Variants in NCKAP5 observed in about 807,000 individuals in gnomAD.
NCKAP5 encodes NCK associated protein 5.
In NCKAP5, 92 loss-of-function variants were observed where a neutral mutation model predicts 167.0. The ratio of observed to expected loss-of-function variants is 0.55; its 90% CI spans 0.47 to 0.66. The LOEUF (loss-of-function observed/expected upper bound fraction) is 0.66. NCKAP5 is among the 30% of genes least tolerant of loss of function. The probability of loss-of-function intolerance (pLI) is 0.00; values close to 1 mark genes in which losing one functional copy is unlikely to be tolerated. For synonymous variants in NCKAP5, 891 were observed against 877.4 expected (o/e 1.02, Z -0.27); for missense variants, 2,378 against 2,315.0 (o/e 1.03, Z -0.56).
the NCKAP5 span, among the ~76,000 whole-genome samples, chr2:133,577,403 G>C: frequency 6.6e-6 from 1 of 152,108 alleles, no homozygotes; most frequent in Non-Finnish European, 1.5e-5. Flanking sequence ...TAATGTTTGG[G>C]AGCATTATCA....
the NCKAP5 span, among the ~76,000 whole-genome samples, chr2:133,598,076 A>G: frequency 1.5e-4 from 23 of 152,234 alleles, no homozygotes; most frequent in Admixed American, 6.5e-5. Context: ...TGTCTGCTCT[A>G]TCACTTACAT....
intron 4 of NCKAP5, among the ~76,000 whole-genome samples, chr2:133,251,014 A>G (rs1277619435): frequency 2.0e-5 from 3 of 152,130 alleles, no homozygotes; most frequent in Admixed American, 2.0e-4. Flanking sequence ...ATGCCCCTCC[A>G]TATCTCAAAG....
chr2:133,106,026 C>CCTT (rs2149697479), intron 6 of NCKAP5, among the ~76,000 whole-genome samples: 1 of 152,126 alleles, frequency 6.6e-6, no homozygotes, highest in South Asian at 2.1e-4. Flanking sequence ...GCTCTCTTCT[C>CCTT]CTTTTATTAA....
At chr2:133,382,391 A>G (rs1264684994) in intron 3 of NCKAP5, among the ~76,000 whole-genome samples, 2 of 152,176 alleles carry the variant, frequency 1.3e-5, no homozygotes, top group Non-Finnish European at 2.9e-5. Flanking sequence ...GCAAATCAGA[A>G]TGGTATGCCA....
the NCKAP5 span, among the ~76,000 whole-genome samples, chr2:133,640,345 G>A: frequency 1.3e-5 from 2 of 152,186 alleles, no homozygotes; most frequent in Non-Finnish European, 2.9e-5. Flanking sequence ...CACATGAGTA[G>A]GGAAGGTTTC....
intron 8 of NCKAP5, among the ~76,000 whole-genome samples, chr2:132,912,633 A>G (rs1235207750): frequency 6.6e-6 from 1 of 152,208 alleles, no homozygotes; most frequent in East Asian, 1.9e-4. Context: ...TCCAGAGGCT[A>G]AGAATTAAGT....
At chr2:133,467,349 A>T (rs1482450492) in intron 3 of NCKAP5, among the ~76,000 whole-genome samples, 1 of 152,180 alleles carries the variant, frequency 6.6e-6, no homozygotes, top group African/African-American at 2.4e-5. Context: ...CTTGCATCCC[A>T]GGGATGAAGC....
At chr2:133,086,603 C>T (rs976002832) in intron 6 of NCKAP5, among the ~76,000 whole-genome samples, 2 of 152,116 alleles carry the variant, frequency 1.3e-5, no homozygotes, top group African/African-American at 4.8e-5. Context: ...GATCATGCCA[C>T]TGCACTCCAG....
In NCKAP5 at chr2:132,999,326, G is replaced by A. The variant is rs369505653; in HGVS notation, c.342-5087C>T. Among the ~76,000 whole-genome samples the A allele has an allele frequency of 3.5e-4, 54 of 152,266 alleles. 1 individual carries two copies. The South Asian group carries it at 6.0e-3, about 17-fold the overall frequency. ...ATTGCATATTAAAACTAATGCATGA[G>A]AAGAGTAACAATTCAAAAGCACCAA... On this transcript the variant is annotated intron_variant, in intron 6 of 19. Transcript: ENST00000409261.
intron 6 of NCKAP5, among the ~76,000 whole-genome samples, chr2:133,049,544 C>CAAAAAAAAAAAAAAAAAAAAAAAAAAA (rs59494014): frequency 1.3e-5 from 1 of 78,298 alleles, no homozygotes; most frequent in Non-Finnish European, 2.5e-5. Context: ...GACTCTGTCT[C>CAAAAAAAAAAAAAAAAAAAAAAAAAAA]AAAAAAAAAA....
chr2:133,143,729 T>C (rs1395428225), intron 5 of NCKAP5, among the ~76,000 whole-genome samples: 1 of 152,078 alleles, frequency 6.6e-6, no homozygotes, highest in Non-Finnish European at 1.5e-5. Flanking sequence ...TGATGAACCC[T>C]GGCTGAGAGT....
At chr2:133,162,514 TAG>T (rs1429427209) in intron 5 of NCKAP5, among the ~76,000 whole-genome samples, 5 of 152,190 alleles carry the variant, frequency 3.3e-5, no homozygotes, top group Non-Finnish European at 7.4e-5. Flanking sequence ...CCTGTAAATA[TAG>T]AGTGTTACTA....
intron 8 of NCKAP5, among the ~76,000 whole-genome samples, chr2:132,960,313 A>G (rs1261105617): frequency 6.6e-6 from 1 of 152,190 alleles, no homozygotes; most frequent in East Asian, 1.9e-4. Context: ...TAAAAGACAG[A>G]ACTTGGCTGT....
intron 3 of NCKAP5, among the ~76,000 whole-genome samples, chr2:133,341,422 C>T (rs536651401): frequency 6.6e-6 from 1 of 152,128 alleles, no homozygotes; most frequent in Admixed American, 6.5e-5. Context: ...GGATGCTCCA[C>T]TGGGAAGAGA....
At chr2:133,261,494 C>T (rs1288533043) in intron 4 of NCKAP5, among the ~76,000 whole-genome samples, 2 of 152,152 alleles carry the variant, frequency 1.3e-5, no homozygotes, top group African/African-American at 4.8e-5. Flanking sequence ...CAGACCAGGT[C>T]TTAATAAGTG....
chr2:132,927,587 G>T (rs528343972), intron 8 of NCKAP5, among the ~76,000 whole-genome samples: 1 of 152,006 alleles, frequency 6.6e-6, no homozygotes, highest in East Asian at 1.9e-4. Context: ...CATCTCTTTG[G>T]TTAAACGTAT....
Position 132,677,419 on chromosome 2 carries a change from A to G in NCKAP5, c.5714-4114T>C, listed in dbSNP as rs552591034. ...TCTCTTGAGAATTAGACCTTTATTA[A>G]TTTAATTCCTTGTAGTCAAGCAGTC... On this transcript the variant is annotated intron_variant, in intron 19 of 19. Transcript: ENST00000409261. Among the ~76,000 whole-genome samples the G allele has an allele frequency of 9.9e-5, 15 of 152,148 alleles. 1 individual carries two copies. Among genetic ancestry groups the G allele is most frequent in the Non-Finnish European group, 1.6e-4 (11 of 68,018 alleles).
chr2:133,651,633 T>A, the NCKAP5 span, among the ~76,000 whole-genome samples: 1 of 152,186 alleles, frequency 6.6e-6, no homozygotes, highest in Non-Finnish European at 1.5e-5. Flanking sequence ...AAAATAGAAC[T>A]ACCATATGAC....
chr2:133,255,216 A>T (rs1454206507), intron 4 of NCKAP5, among the ~76,000 whole-genome samples: 3 of 152,216 alleles, frequency 2.0e-5, no homozygotes, highest in Admixed American at 2.0e-4. Context: ...CTTCATAGTT[A>T]CCACGGAAGT....
Sources: gnomAD v4.1 joint callset for allele counts (sites outside exome capture counted in the v4.1 genomes callset) on GRCh38, gnomAD v4.1.1 for gene constraint, MANE v1.5 for transcripts, NCBI Gene and HGNC (gene_info 2026-07-23, HGNC 2026-07-21) for gene names.